PPFIA2: variants seen among roughly 807,000 people sequenced by gnomAD.
The protein encoded by PPFIA2 is liprin-alpha-2.
Under a neutral mutation model 175.5 loss-of-function variants are expected in PPFIA2, and 46 were observed. That is an observed-to-expected ratio of 0.26 (90% CI 0.21 to 0.34). PPFIA2 has a LOEUF of 0.34. PPFIA2 is among the 10% of genes least tolerant of loss of function. The probability of loss-of-function intolerance (pLI) is 1.00; values close to 1 mark genes in which losing one functional copy is unlikely to be tolerated. For missense variants in PPFIA2, 1,179 were observed against 1,506.1 expected, an observed-to-expected ratio of 0.78 and a Z score of 3.60; for synonymous variants, 568 against 511.4, an observed-to-expected ratio of 1.11 and a Z score of -1.49.
intron 26 of PPFIA2, 100 bp from the exon 27 acceptor site, chr12:81,281,550 T>A (rs2042095536): frequency 1.3e-6 from 1 of 793,704 alleles, no homozygotes; most frequent in African/African-American, 1.8e-5. Context: ...ATTACTATGA[T>A]ATGTGGAAAC....
At chr12:81,534,845 C>A (rs976785049) in intron 4 of PPFIA2, among the ~76,000 whole-genome samples, 30 of 151,576 alleles carry the variant, frequency 2.0e-4, no homozygotes, top group African/African-American at 6.3e-4. Context: ...ATGCAAATGG[C>A]TTGCTCCCCA....
intron 4 of PPFIA2, among the ~76,000 whole-genome samples, chr12:81,660,697 C>A (rs537738316): frequency 2.0e-5 from 3 of 151,986 alleles, no homozygotes; most frequent in Admixed American, 6.6e-5. Flanking sequence ...ATACAGAGAA[C>A]GCCACAAAGA....
At chr12:81,703,206 C>T (rs1024784276) in intron 3 of PPFIA2, among the ~76,000 whole-genome samples, 4 of 152,114 alleles carry the variant, frequency 2.6e-5, no homozygotes, top group Non-Finnish European at 5.9e-5. Context: ...GCAAATTCTC[C>T]TCTGAGCTAC....
intron 4 of PPFIA2, among the ~76,000 whole-genome samples, chr12:81,643,016 GTATA>G (rs2065547227): frequency 6.9e-6 from 1 of 145,288 alleles, no homozygotes; most frequent in African/African-American, 2.5e-5. Flanking sequence ...TTTATATAGT[GTATA>G]TATCTATGAC....
At chr12:81,749,337 T>C (rs1597189023) in intron 3 of PPFIA2, among the ~76,000 whole-genome samples, 1 of 144,154 alleles carries the variant, frequency 6.9e-6, no homozygotes, top group Middle Eastern at 3.5e-3. Flanking sequence ...AGCAACTCTA[T>C]TCCCTAAACT....
chr12:81,656,457 C>A (rs1017382156), intron 4 of PPFIA2, among the ~76,000 whole-genome samples: 4 of 151,984 alleles, frequency 2.6e-5, no homozygotes, highest in South Asian at 4.1e-4. Context: ...CTTCGCCATG[C>A]ACAATATGTC....
At chr12:81,565,952 G>C (rs896308504) in intron 4 of PPFIA2, among the ~76,000 whole-genome samples, 2 of 152,110 alleles carry the variant, frequency 1.3e-5, no homozygotes, top group Non-Finnish European at 2.9e-5. Flanking sequence ...AGAATTTGAT[G>C]TATTCAAACC....
At chr12:81,642,389 C>T (rs1366529115) in intron 4 of PPFIA2, among the ~76,000 whole-genome samples, 1 of 151,282 alleles carries the variant, frequency 6.6e-6, no homozygotes, top group Non-Finnish European at 1.5e-5. Context: ...AACTTATCAC[C>T]CTCCTATGTT....
chr12:81,680,901 C>A (rs2073491998), intron 3 of PPFIA2, among the ~76,000 whole-genome samples: 1 of 151,968 alleles, frequency 6.6e-6, no homozygotes. Context: ...TAGGGTCATA[C>A]AACTGCTGAC....
intron 3 of PPFIA2, among the ~76,000 whole-genome samples, chr12:81,699,764 C>T (rs947072006): frequency 6.6e-6 from 1 of 151,952 alleles, no homozygotes; most frequent in African/African-American, 2.4e-5. Flanking sequence ...TGTCTTAACC[C>T]TGAATCATCC....
chr12:81,469,166 A>G (rs902963545), intron 4 of PPFIA2, among the ~76,000 whole-genome samples: 2 of 152,230 alleles, frequency 1.3e-5, no homozygotes, highest in Non-Finnish European at 2.9e-5. Flanking sequence ...TATGTCATTT[A>G]CTGTAGAGAA....
intron 3 of PPFIA2, among the ~76,000 whole-genome samples, chr12:81,706,244 A>C (rs2077120663): frequency 1.3e-5 from 2 of 152,222 alleles, no homozygotes; most frequent in African/African-American, 4.8e-5. Context: ...GAAGCATAAA[A>C]GTTTAACACT....
chr12:81,664,995 C>T (rs1016688754), intron 4 of PPFIA2, among the ~76,000 whole-genome samples: 1 of 151,264 alleles, frequency 6.6e-6, no homozygotes, highest in Non-Finnish European at 1.5e-5. Context: ...AATGAGAACA[C>T]ATGGACACAG....
intron 24 of PPFIA2, chr12:81,292,571 TTTCTC>T (rs1161718173): frequency 6.6e-6 from 1 of 152,150 alleles, no homozygotes; most frequent in Non-Finnish European, 1.5e-5. Flanking sequence ...AATATTTTCT[TTTCTC>T]TAGCTTACTT....
intron 4 of PPFIA2, among the ~76,000 whole-genome samples, chr12:81,617,460 G>A (rs929948329): frequency 2.0e-5 from 3 of 152,142 alleles, no homozygotes; most frequent in African/African-American, 7.2e-5. Flanking sequence ...TCAACTTGGA[G>A]CTCCTAGAGA....
intron 8 of PPFIA2, among the ~76,000 whole-genome samples, chr12:81,401,248 A>T (rs2042046502): frequency 6.6e-6 from 1 of 152,160 alleles, no homozygotes; most frequent in Admixed American, 6.5e-5. Flanking sequence ...TATTTGATTG[A>T]AAACACAGGA....
chr12:81,299,493 G>A, intron 22 of PPFIA2, 111 bp from the exon 23 acceptor site: 1 of 1,371,584 alleles, frequency 7.3e-7, no homozygotes. Context: ...GATTTTTTAT[G>A]ATACAATATA....
chr12:81,323,834 C>T (rs1437292877), intron 22 of PPFIA2, among the ~76,000 whole-genome samples: 2 of 151,978 alleles, frequency 1.3e-5, no homozygotes, highest in African/African-American at 4.8e-5. Context: ...TCATATAAGT[C>T]CTTTGAACAC....
At chr12:81,518,759 G>A (rs1197951935) in intron 4 of PPFIA2, among the ~76,000 whole-genome samples, 1 of 151,992 alleles carries the variant, frequency 6.6e-6, no homozygotes, top group African/African-American at 2.4e-5. Flanking sequence ...TTTCCACAAG[G>A]GCAAAGACTC....
Sources: allele counts gnomAD v4.1 joint callset (sites outside exome capture counted in the v4.1 genomes callset), GRCh38; gene constraint gnomAD v4.1.1; transcripts MANE v1.5; gene names NCBI Gene and HGNC (gene_info 2026-07-23, HGNC 2026-07-21).